Variants in LRIG1 observed in about 807,000 individuals in gnomAD.
LRIG1 encodes the protein leucine-rich repeats and immunoglobulin-like domains protein 1.
LRIG1 carries 48 observed loss-of-function variants against 99.2 expected under a neutral mutation model. The observed-to-expected ratio is 0.48, with a 90% CI of 0.38 to 0.62. The LOEUF is 0.62. Ranked by LOEUF, LRIG1 falls within the 20% of genes least tolerant of loss-of-function variation. The pLI is 0.00. For missense variants in LRIG1, 1,646 were observed against 1,434.4 expected (o/e 1.15, Z -2.38); for synonymous variants, 772 against 596.1 (o/e 1.29, Z -4.30).
intron 1 of LRIG1, among the ~76,000 whole-genome samples, chr3:66,495,499 T>C (rs1380130796): frequency 2.0e-5 from 3 of 152,224 alleles, no homozygotes; most frequent in Non-Finnish European, 2.9e-5. Context: ...TCGTGAAACT[T>C]AAAGTCCTTC....
rs185745687 is a variant in LRIG1, at chr3:66,391,545, T to C, written c.1468+2495A>G. ...AGAGACCGTATACTGTATGGTTCCA[T>C]TTATATTAAATGCCCAGAATAGGCA... On this transcript the variant is annotated intron_variant, in intron 12 of 18. Coordinates refer to ENST00000273261, the MANE Select transcript of LRIG1 (RefSeq NM_015541.3). Among the ~76,000 whole-genome samples, 481 of 152,322 alleles carry C rather than the reference T, an allele frequency of 3.2e-3. 7 individuals carry two copies. Among genetic ancestry groups the C allele is most frequent in the Middle Eastern group, 0.01 (3 of 294 alleles).
intron 12 of LRIG1, 35 bp downstream of exon 12, chr3:66,394,005 A>T (rs1383885852): frequency 6.2e-7 from 1 of 1,611,222 alleles, no homozygotes; most frequent in Middle Eastern, 1.7e-4. Context: ...CTTGTCCTTC[A>T]TGAAGGAGAG....
chr3:66,433,454 C>G (rs1238774903), intron 3 of LRIG1, among the ~76,000 whole-genome samples: 1 of 152,226 alleles, frequency 6.6e-6, no homozygotes, highest in Non-Finnish European at 1.5e-5. Flanking sequence ...GATTCACATG[C>G]CAGCTTCCTG....
intron 3 of LRIG1, among the ~76,000 whole-genome samples, chr3:66,434,251 G>T (rs1256518191): frequency 6.6e-6 from 1 of 151,952 alleles, no homozygotes; most frequent in Non-Finnish European, 1.5e-5. Context: ...AAACTCAAGA[G>T]CAAAACAACA....
intron 3 of LRIG1, among the ~76,000 whole-genome samples, chr3:66,421,307 C>G (rs1472891516): frequency 6.6e-6 from 1 of 152,244 alleles, no homozygotes; most frequent in Non-Finnish European, 1.5e-5. Context: ...AGTCCAAAGT[C>G]TCTTCTGAGA....
At chr3:66,423,750 T>C (rs6809664) in intron 3 of LRIG1, among the ~76,000 whole-genome samples, 128,383 of 152,098 alleles carry the variant, frequency 0.84, 55,371 homozygotes, top group Non-Finnish European at 0.92. Flanking sequence ...TTGAGTGTCT[T>C]CCTGCCCAGG....
At chr3:66,444,007 C>T (rs1703632975) in intron 3 of LRIG1, among the ~76,000 whole-genome samples, 1 of 152,176 alleles carries the variant, frequency 6.6e-6, no homozygotes, top group South Asian at 2.1e-4. Context: ...CTGTTAACTT[C>T]CATCTGGAAA....
chr3:66,497,786 A>T lies in LRIG1; in HGVS notation c.218+2404T>A, dbSNP rs552609127. ...CAAACCCACAGCCTGAAGTTGTTTG[A>T]ACTAGCTGCAGTAAATCCAGTTCAT... On this transcript the variant is annotated intron_variant, in intron 1 of 18. Transcript: ENST00000273261. Among the ~76,000 whole-genome samples, 3 of 144,884 alleles carry T rather than the reference A, an allele frequency of 2.1e-5. No individual in the cohort carries two copies. The South Asian group carries it at 7.1e-4, about 34-fold the overall frequency.
intron 11 of LRIG1, among the ~76,000 whole-genome samples, chr3:66,397,727 A>C (rs765661455): frequency 1.3e-5 from 2 of 152,204 alleles, no homozygotes; most frequent in Non-Finnish European, 2.9e-5. Flanking sequence ...CCCTCTCAAC[A>C]CAGGCCTTTA....
intron 3 of LRIG1, among the ~76,000 whole-genome samples, chr3:66,419,476 G>A (rs1341645790): frequency 6.6e-6 from 1 of 152,208 alleles, no homozygotes; most frequent in African/African-American, 2.4e-5. Flanking sequence ...GAGGGCCACA[G>A]TGGCAGGGTC....
rs759063557 is a variant in LRIG1, at chr3:66,381,084, T to C, written c.2771-223A>G. On this transcript the variant is annotated intron_variant, in intron 17 of 18. Transcript: ENST00000273261. ...TCTTTCGTGTTTACAGTGAATTTCA[T>C]AGACAATGTAGTCTTACTGCTTCAC... 27 of 597,070 alleles carry C rather than the reference T, an allele frequency of 4.5e-5. 1 individual carries two copies. Among genetic ancestry groups the C allele is most frequent in the Admixed American group, 2.1e-4 (7 of 33,314 alleles). 37.0% of individuals were successfully genotyped at this position (597,070 alleles called of 1,614,324 possible).
At chr3:66,453,570 CACA>C (rs1703977532) in intron 2 of LRIG1, among the ~76,000 whole-genome samples, 2 of 152,236 alleles carry the variant, frequency 1.3e-5, no homozygotes, top group South Asian at 4.1e-4. Flanking sequence ...CTTTCACCAT[CACA>C]ACAACTTTGA....
At chr3:66,383,894 A>G (rs1701231257) in intron 14 of LRIG1, 97 bp downstream of exon 14, 4 of 1,497,860 alleles carry the variant, frequency 2.7e-6, no homozygotes, top group South Asian at 1.3e-5. Flanking sequence ...CGAAAGGCCC[A>G]CAACGCATAC....
At chr3:66,412,521 C>A (rs1340775307) in intron 6 of LRIG1, among the ~76,000 whole-genome samples, 1 of 152,212 alleles carries the variant, frequency 6.6e-6, no homozygotes, top group African/African-American at 2.4e-5. Context: ...AGGAAAATAC[C>A]CTCAGGTTTG....
chr3:66,402,272 A>G (rs1009049647), intron 9 of LRIG1, among the ~76,000 whole-genome samples: 5 of 152,138 alleles, frequency 3.3e-5, no homozygotes, highest in African/African-American at 1.2e-4. Flanking sequence ...TGCAGGCCCC[A>G]GCCCGGGAAC....
chr3:66,408,557 G>A (rs1702357725), intron 7 of LRIG1, among the ~76,000 whole-genome samples: 1 of 152,208 alleles, frequency 6.6e-6, no homozygotes, highest in Admixed American at 6.5e-5. Flanking sequence ...GGACCCCGCA[G>A]AAGACAGCAT....
intron 1 of LRIG1, among the ~76,000 whole-genome samples, chr3:66,485,846 A>G (rs976127685): frequency 2.0e-5 from 3 of 152,236 alleles, no homozygotes; most frequent in African/African-American, 7.2e-5. Flanking sequence ...ATCACATTCA[A>G]GACACCATGT....
chr3:66,402,959 A>G (rs1702117084), intron 9 of LRIG1, among the ~76,000 whole-genome samples: 3 of 152,066 alleles, frequency 2.0e-5, no homozygotes, highest in Admixed American at 2.0e-4. Context: ...ACATCGACTC[A>G]ACACCTGTGA....
chr3:66,417,832 T>G (rs1389990884), intron 3 of LRIG1, among the ~76,000 whole-genome samples: 1 of 151,460 alleles, frequency 6.6e-6, no homozygotes, highest in Non-Finnish European at 1.5e-5. Context: ...ATCCTGACAA[T>G]GTAAAATGGG....
Sources: allele counts gnomAD v4.1 joint callset (sites outside exome capture counted in the v4.1 genomes callset), GRCh38; gene constraint gnomAD v4.1.1; transcripts MANE v1.5; gene names NCBI Gene and HGNC (gene_info 2026-07-23, HGNC 2026-07-21).